Variants in SLC24A2 observed in about 807,000 individuals in gnomAD.
SLC24A2 encodes sodium/potassium/calcium exchanger 2.
In SLC24A2, 36 loss-of-function variants were observed where a neutral mutation model predicts 62.0. The ratio of observed to expected loss-of-function variants is 0.58; its 90% CI spans 0.44 to 0.77. The LOEUF (loss-of-function observed/expected upper bound fraction) is 0.77, where lower values mean the gene tolerates loss of function less well. SLC24A2 is among the 30% of genes least tolerant of loss of function. SLC24A2 has a pLI of 0.00. For missense variants in SLC24A2, 846 were observed against 817.9 expected, an observed-to-expected ratio of 1.03 and a Z score of -0.42; for synonymous variants, 358 against 294.0, an observed-to-expected ratio of 1.22 and a Z score of -2.23.
chr9:20,056,127 T>C, the SLC24A2 span, among the ~76,000 whole-genome samples: 523 of 152,322 alleles, frequency 3.4e-3, 7 homozygotes, highest in African/African-American at 0.012. Context: ...TGAGAAGTTG[T>C]GGGATTTAAA....
chr9:20,252,402 G>A, the SLC24A2 span, among the ~76,000 whole-genome samples: 1 of 152,216 alleles, frequency 6.6e-6, no homozygotes, highest in Non-Finnish European at 1.5e-5. Context: ...TGAGCACTGT[G>A]TCTGGTGTCT....
chr9:20,220,232 G>A, the SLC24A2 span, among the ~76,000 whole-genome samples: 3 of 152,022 alleles, frequency 2.0e-5, no homozygotes, highest in South Asian at 6.2e-4. Context: ...GTCACATAGA[G>A]AAATGGAAGT....
At chr9:19,532,847 T>C (rs1346580374) in intron 8 of SLC24A2, among the ~76,000 whole-genome samples, 1 of 152,232 alleles carries the variant, frequency 6.6e-6, no homozygotes, top group African/African-American at 2.4e-5. Context: ...CTAGTTCTAA[T>C]GGGTCATGTT....
In SLC24A2 at chr9:19,521,048, T is replaced by C. The variant is rs1173698865; in HGVS notation, c.1582A>G (p.Ile528Val). The change falls in exon 10 of 11, where the codon ATT becomes GTT. Residue 528 changes from isoleucine (I) to valine (V), a missense_variant. Ile to Val is a conservative substitution (Grantham distance 29). Coordinates refer to ENST00000341998, the MANE Select transcript of SLC24A2 (RefSeq NM_020344.4). ...CCCATAATCTCTTCACTGATGCCAA[T>C]TGTCTCTCCAACCTAAATGTCAGGA... Reference protein sequence around the residue: ...VWWAHQVGETIGISEEIMGLT... With the variant: ...VWWAHQVGETVGISEEIMGLT... 10 of 1,613,928 alleles carry C rather than the reference T, an allele frequency of 6.2e-6. No homozygotes were observed. Among genetic ancestry groups the C allele is most frequent in the Non-Finnish European group, 8.5e-6 (10 of 1,179,952 alleles).
chr9:20,111,700 G>A, the SLC24A2 span, among the ~76,000 whole-genome samples: 1 of 152,088 alleles, frequency 6.6e-6, no homozygotes, highest in Non-Finnish European at 1.5e-5. Context: ...GGACATTAAA[G>A]TTTGAAAAGC....
At chr9:20,121,175 T>C in the SLC24A2 span, among the ~76,000 whole-genome samples, 10 of 150,436 alleles carry the variant, frequency 6.6e-5, no homozygotes, top group East Asian at 2.0e-4. Context: ...GGGATTTCAA[T>C]TGAAATTGAA....
intron 2 of SLC24A2, among the ~76,000 whole-genome samples, chr9:19,744,687 T>A (rs1445366350): frequency 6.6e-6 from 1 of 152,200 alleles, no homozygotes; most frequent in Non-Finnish European, 1.5e-5. Flanking sequence ...GACTACAATT[T>A]AAAAAATTGA....
At chr9:19,635,785 T>C (rs1818295320) in intron 2 of SLC24A2, among the ~76,000 whole-genome samples, 1 of 152,234 alleles carries the variant, frequency 6.6e-6, no homozygotes, top group South Asian at 2.1e-4. Flanking sequence ...TAATTCTTTA[T>C]GAGTAATTTT....
At chr9:19,682,264 G>A (rs918621088) in intron 2 of SLC24A2, among the ~76,000 whole-genome samples, 3 of 152,144 alleles carry the variant, frequency 2.0e-5, no homozygotes, top group Non-Finnish European at 4.4e-5. Flanking sequence ...GGCAGCACAC[G>A]TGAAATGACA....
the SLC24A2 span, among the ~76,000 whole-genome samples, chr9:20,053,977 A>C: frequency 6.6e-6 from 1 of 152,034 alleles, no homozygotes; most frequent in Non-Finnish European, 1.5e-5. Flanking sequence ...GCTTTCCTCT[A>C]CTTGACTTTT....
chr9:20,286,936 A>G, the SLC24A2 span, among the ~76,000 whole-genome samples: 8 of 152,162 alleles, frequency 5.3e-5, no homozygotes, highest in Non-Finnish European at 1.2e-4. Context: ...TTATGATTAT[A>G]AGGATGTAGA....
chr9:19,895,761 C>G, the SLC24A2 span: 3 of 1,548,126 alleles, frequency 1.9e-6, no homozygotes, highest in South Asian at 2.4e-5. Flanking sequence ...CGGCCCAGTC[C>G]CACCCTCCAT....
chr9:20,102,364 C>T, the SLC24A2 span, among the ~76,000 whole-genome samples: 1 of 151,852 alleles, frequency 6.6e-6, no homozygotes, highest in East Asian at 1.9e-4. Flanking sequence ...AAGCTGGAAA[C>T]CATCATTCTC....
At chr9:19,845,660 G>C in the SLC24A2 span, among the ~76,000 whole-genome samples, 1 of 152,018 alleles carries the variant, frequency 6.6e-6, no homozygotes, top group Admixed American at 6.6e-5. Flanking sequence ...TATTTCTCTA[G>C]TTCCTTTAGG....
chr9:20,298,977 G>A, the SLC24A2 span, among the ~76,000 whole-genome samples: 11 of 152,280 alleles, frequency 7.2e-5, no homozygotes, highest in South Asian at 2.1e-4. Flanking sequence ...GAGGACATGC[G>A]GCCATGGAGG....
chr9:19,838,966 G>C, the SLC24A2 span, among the ~76,000 whole-genome samples: 1 of 152,028 alleles, frequency 6.6e-6, no homozygotes, highest in African/African-American at 2.4e-5. Context: ...CTACAGAATG[G>C]GAGAAAATTT....
chr9:20,159,154 C>T, the SLC24A2 span, among the ~76,000 whole-genome samples: 127 of 151,646 alleles, frequency 8.4e-4, no homozygotes, highest in African/African-American at 2.6e-3. Context: ...CTTCAAGAAT[C>T]GACTATATAA....
At chr9:19,730,229 T>C (rs549940703) in intron 2 of SLC24A2, among the ~76,000 whole-genome samples, 2 of 152,194 alleles carry the variant, frequency 1.3e-5, no homozygotes, top group East Asian at 1.9e-4. Flanking sequence ...CTTTGGAAAA[T>C]ATTTGAATGT....
Position 19,704,107 on chromosome 9 carries a change from G to A in SLC24A2, c.931-81808C>T, listed in dbSNP as rs565128189. 7.2e-5 allele frequency among the ~76,000 whole-genome samples: 11 copies of A among 151,822 alleles called. No individual in the cohort carries two copies. In the South Asian group the frequency reaches 1.9e-3, roughly 26 times the overall value. The stretch of plus-strand genomic sequence containing the variant: ...AGATTTCAACCTTTGCTACTAAAAC[G>A]TGATCTGTGGACCAATATTTTCACC... On this transcript the variant is annotated intron_variant, in intron 2 of 10. Coordinates refer to ENST00000341998, the MANE Select transcript of SLC24A2 (RefSeq NM_020344.4).
Sources: allele counts gnomAD v4.1 joint callset (sites outside exome capture counted in the v4.1 genomes callset), GRCh38; gene constraint gnomAD v4.1.1; transcripts MANE v1.5; gene names NCBI Gene and HGNC (gene_info 2026-07-23, HGNC 2026-07-21).